SLC2A13: variants seen among roughly 807,000 people sequenced by gnomAD.
The protein encoded by SLC2A13 is solute carrier family 2 member 13.
In SLC2A13, 32 loss-of-function variants were observed where a neutral mutation model predicts 64.4. The observed-to-expected ratio is 0.50, with a 90% CI of 0.37 to 0.67. The LOEUF (loss-of-function observed/expected upper bound fraction) is 0.67, where lower values mean the gene tolerates loss of function less well. Among genes scored for constraint, SLC2A13 ranks in the 30% least tolerant of loss-of-function variants. SLC2A13 has a pLI of 0.00. For synonymous variants in SLC2A13, 338 were observed against 327.1 expected (o/e 1.03, Z -0.36); for missense variants, 743 against 829.2 (o/e 0.90, Z 1.28).
In SLC2A13 at chr12:40,089,178, TG is replaced by T. The variant is rs2136294538; in HGVS notation, c.556+16074del. Among the ~76,000 whole-genome samples, 3 of 152,164 alleles carry T rather than the reference TG, an allele frequency of 2.0e-5. No homozygotes were observed. In the East Asian group the frequency reaches 5.8e-4, roughly 29 times the overall value. ...TGCTAGGGGCATATGGCTTTCAGAGTGGTCATCTCCGTACTTTATAAACTCT... is the reference window on the plus strand; with the variant it reads ...TGCTAGGGGCATATGGCTTTCAGAGTGTCATCTCCGTACTTTATAAACTCT... On this transcript the variant is annotated intron_variant, in intron 1 of 9. Transcript: ENST00000280871.
At chr12:39,822,415 T>C (rs4325371) in intron 7 of SLC2A13, among the ~76,000 whole-genome samples, 1 of 152,160 alleles carries the variant, frequency 6.6e-6, no homozygotes, top group East Asian at 1.9e-4. Flanking sequence ...AATTAAAATA[T>C]CTAAATAAGG....
At chr12:39,924,814 A>G (rs1485258003) in intron 4 of SLC2A13, among the ~76,000 whole-genome samples, 4 of 151,774 alleles carry the variant, frequency 2.6e-5, no homozygotes, top group African/African-American at 9.7e-5. Context: ...GCATGACAGA[A>G]AGCTAACTTG....
chr12:39,827,523 C>T (rs2135842080), intron 7 of SLC2A13, among the ~76,000 whole-genome samples: 1 of 152,276 alleles, frequency 6.6e-6, no homozygotes, highest in Admixed American at 6.5e-5. Flanking sequence ...GGGCTCACCA[C>T]TTACACTCTT....
At chr12:40,088,970 A>C (rs1172347337) in intron 1 of SLC2A13, among the ~76,000 whole-genome samples, 6 of 152,322 alleles carry the variant, frequency 3.9e-5, no homozygotes, top group South Asian at 2.1e-4. Context: ...ATTATAACTA[A>C]AGAAATAATT....
At position 40,028,782 on chromosome 12, in the gene SLC2A13, A is replaced by C. The variant is rs536356030; in HGVS notation, c.717-273T>G. ...CAAAAGCTACAGTCATTATGTATAC[A>C]CATTCTAACCCAAATATATTAAGCA... On this transcript the variant is annotated intron_variant, in intron 2 of 9. Transcript: ENST00000280871. Among the ~76,000 whole-genome samples the C allele has an allele frequency of 2.6e-5, 4 of 152,374 alleles. No homozygotes were observed. In the East Asian group the frequency reaches 7.7e-4, roughly 29 times the overall value.
In SLC2A13 at chr12:39,977,791, T is replaced by C. The variant is rs143916348; in HGVS notation, c.926-26426A>G. On this transcript the variant is annotated intron_variant, in intron 3 of 9. Coordinates refer to ENST00000280871, the MANE Select transcript of SLC2A13 (RefSeq NM_052885.4). ...TGGCTTATTCAGTTGAGTGAAAGCA[T>C]TTGAGATCAAAAAGAAGAGATTCCT... 4.0e-3 allele frequency among the ~76,000 whole-genome samples: 608 copies of C among 152,352 alleles called. 2 individuals are homozygous for C. The highest frequency in any genetic ancestry group is 6.7e-3 in the Non-Finnish European group (459 of 68,036).
intron 1 of SLC2A13, chr12:40,068,711 T>C (rs933726130): frequency 6.6e-6 from 1 of 151,906 alleles, no homozygotes; most frequent in Non-Finnish European, 1.5e-5. Context: ...TCACAGAAAA[T>C]TTAACCCTCA....
At chr12:40,033,762 A>G (rs1947938218) in intron 2 of SLC2A13, among the ~76,000 whole-genome samples, 1 of 152,226 alleles carries the variant, frequency 6.6e-6, no homozygotes, top group South Asian at 2.1e-4. Flanking sequence ...GAAGGTAGGT[A>G]TTTTTAAAAA....
At chr12:39,897,309 T>C (rs1336422983) in intron 4 of SLC2A13, among the ~76,000 whole-genome samples, 2 of 152,156 alleles carry the variant, frequency 1.3e-5, no homozygotes, top group Non-Finnish European at 2.9e-5. Context: ...GCACAGACTA[T>C]CTGAAAGATA....
chr12:39,792,247 C>A (rs1407067374), intron 7 of SLC2A13, among the ~76,000 whole-genome samples: 2 of 139,770 alleles, frequency 1.4e-5, no homozygotes, highest in Non-Finnish European at 3.1e-5. Context: ...AAGATTTAAA[C>A]GTTAGACCTA....
At chr12:39,871,698 A>T in intron 5 of SLC2A13, 100 bp downstream of exon 5, 3 of 1,186,766 alleles carry the variant, frequency 2.5e-6, no homozygotes, top group Non-Finnish European at 3.3e-6. Context: ...TGGCTGAGAA[A>T]CCAATATTAG....
At chr12:39,899,560 C>CA (rs1183069034) in intron 4 of SLC2A13, among the ~76,000 whole-genome samples, 1 of 151,918 alleles carries the variant, frequency 6.6e-6, no homozygotes, top group African/African-American at 2.4e-5. Flanking sequence ...CTAGTTCTTT[C>CA]AATTGTGATG....
chr12:39,794,712 G>A (rs1941519350), intron 7 of SLC2A13, among the ~76,000 whole-genome samples: 1 of 152,192 alleles, frequency 6.6e-6, no homozygotes, highest in African/African-American at 2.4e-5. Flanking sequence ...AGCCTGGAGT[G>A]GCTGTGAACA....
chr12:40,043,313 G>A (rs1418584122), intron 2 of SLC2A13, among the ~76,000 whole-genome samples: 1 of 152,008 alleles, frequency 6.6e-6, no homozygotes, highest in East Asian at 1.9e-4. Flanking sequence ...ATCTCACTAT[G>A]TTCATGAAGT....
intron 7 of SLC2A13, among the ~76,000 whole-genome samples, chr12:39,781,022 A>T (rs1041767446): frequency 6.6e-6 from 1 of 151,716 alleles, no homozygotes; most frequent in Non-Finnish European, 1.5e-5. Context: ...GTTTCACAAT[A>T]TTTCATCTCA....
intron 1 of SLC2A13, among the ~76,000 whole-genome samples, chr12:40,058,266 A>C (rs757981015): frequency 6.6e-6 from 1 of 152,066 alleles, no homozygotes; most frequent in Non-Finnish European, 1.5e-5. Context: ...CAGTTTTCCA[A>C]TGTTTGAGGA....
chr12:39,878,995 C>T (rs1159593490), intron 4 of SLC2A13, among the ~76,000 whole-genome samples: 1 of 152,246 alleles, frequency 6.6e-6, no homozygotes, highest in Non-Finnish European at 1.5e-5. Flanking sequence ...ACATACTGGC[C>T]TCTCCAGCTC....
intron 1 of SLC2A13, among the ~76,000 whole-genome samples, chr12:40,050,639 T>C (rs1263274382): frequency 6.6e-6 from 1 of 152,200 alleles, no homozygotes; most frequent in Non-Finnish European, 1.5e-5. Flanking sequence ...GGGCATGTAA[T>C]TATCTCCATT....
At chr12:40,041,474 T>C (rs1258853174) in intron 2 of SLC2A13, among the ~76,000 whole-genome samples, 3 of 152,200 alleles carry the variant, frequency 2.0e-5, no homozygotes, top group African/African-American at 7.2e-5. Context: ...GAGGCTAAGT[T>C]ATTCATTCAT....
Sources: gnomAD v4.1 joint callset for allele counts (sites outside exome capture counted in the v4.1 genomes callset) on GRCh38, gnomAD v4.1.1 for gene constraint, MANE v1.5 for transcripts, NCBI Gene and HGNC (gene_info 2026-07-23, HGNC 2026-07-21) for gene names.